ALMS1: variants seen among roughly 807,000 people sequenced by gnomAD.
ALMS1 encodes ALMS1 centrosome and basal body associated protein.
In ALMS1, 271 loss-of-function variants were observed where a neutral mutation model predicts 352.2. The observed-to-expected ratio is 0.77, with a 90% CI of 0.70 to 0.85. The LOEUF (loss-of-function observed/expected upper bound fraction) is 0.85, where lower values mean the gene tolerates loss of function less well. Among genes scored for constraint, ALMS1 ranks in the 40% least tolerant of loss-of-function variants. The pLI is 0.00. For missense variants in ALMS1, 5,445 were observed against 4,870.7 expected (o/e 1.12, Z -3.51); for synonymous variants, 1,865 against 1,761.2 (o/e 1.06, Z -1.48).
intron 12 of ALMS1, among the ~76,000 whole-genome samples, chr2:73,545,776 G>C (rs1295524210): frequency 6.6e-6 from 1 of 152,182 alleles, no homozygotes; most frequent in East Asian, 1.9e-4. Flanking sequence ...CTTAACAAAA[G>C]AGGAGAGAAA....
intron 10 of ALMS1, among the ~76,000 whole-genome samples, chr2:73,497,184 T>G (rs193134142): frequency 6.6e-6 from 1 of 152,320 alleles, no homozygotes; most frequent in Admixed American, 6.5e-5. Flanking sequence ...TTCATAGTCA[T>G]TTGAGTCATT....
chr2:73,506,570 G>A (rs908415729), intron 10 of ALMS1, among the ~76,000 whole-genome samples: 6 of 152,008 alleles, frequency 3.9e-5, no homozygotes, highest in African/African-American at 9.7e-5. Context: ...GAGTTTGCTC[G>A]TGATTTGGCT....
chr2:73,405,546 T>G (rs943374506), intron 1 of ALMS1, among the ~76,000 whole-genome samples: 3 of 152,062 alleles, frequency 2.0e-5, no homozygotes, highest in Non-Finnish European at 4.4e-5. Flanking sequence ...TTTCTTGATT[T>G]TTTTCCTACT....
At chr2:73,607,932 G>A (rs1675850304) in intron 21 of ALMS1, among the ~76,000 whole-genome samples, 1 of 151,794 alleles carries the variant, frequency 6.6e-6, no homozygotes, top group South Asian at 2.1e-4. Flanking sequence ...AAAGTGCTGG[G>A]TTTACAGGCT....
In ALMS1 at chr2:73,450,712, G is replaced by A. The variant is rs758814503; in HGVS notation, c.4185G>A (p.Ser1395=). ...TEKPSIFYQQ[S]LPGSHLTEEA... Reference sequence around the variant, plus strand: ...AGCCGAGTATTTTCTACCAACAGTCGTTGCCAGGTAGTCATCTAACTGAAG... The same window carrying A: ...AGCCGAGTATTTTCTACCAACAGTCATTGCCAGGTAGTCATCTAACTGAAG... Residue 1395 remains serine (S), a synonymous_variant, in exon 8 of 23, where the codon TCG becomes TCA. Transcript: ENST00000613296. The A allele has an allele frequency of 2.4e-5, 39 of 1,611,772 alleles. No homozygotes were observed. Among genetic ancestry groups the A allele is most frequent in the South Asian group, 2.4e-4 (22 of 90,990 alleles).
In ALMS1 at chr2:73,424,595, C is replaced by T. The variant is rs768740142; in HGVS notation, c.930C>T (p.Cys310=). 6 of 1,613,902 alleles carry T rather than the reference C, an allele frequency of 3.7e-6. No individual in the cohort carries two copies. The highest frequency in any genetic ancestry group is 4.2e-6 in the Non-Finnish European group (5 of 1,179,984). ...LIGSTAVGSQ[C]PFLPSEQGNN... ...GCAGCACAGCTGTTGGGTCTCAGTGCCCTTTTTTACCTTCTGAACAAGGGA... is the reference window on the plus strand; with the variant it reads ...GCAGCACAGCTGTTGGGTCTCAGTGTCCTTTTTTACCTTCTGAACAAGGGA... Residue 310 remains cysteine (C), a synonymous_variant, in exon 5 of 23, where the codon TGC becomes TGT. Coordinates refer to ENST00000613296, the MANE Select transcript of ALMS1 (RefSeq NM_001378454.1).
intron 9 of ALMS1, among the ~76,000 whole-genome samples, chr2:73,474,116 C>G (rs1484096956): frequency 6.6e-6 from 1 of 151,876 alleles, no homozygotes; most frequent in Non-Finnish European, 1.5e-5. Flanking sequence ...AATATACTTT[C>G]CTTAATGAAG....
rs755283383 is a variant in ALMS1 at position 73,609,564 on chromosome 2, A to G, written c.12463-4A>G. 9 of 1,614,040 alleles carry G rather than the reference A, an allele frequency of 5.6e-6. No homozygotes were observed. Among genetic ancestry groups the G allele is most frequent in the South Asian group, 5.5e-5 (5 of 91,074 alleles). On this transcript the variant is annotated splice_region_variant and splice_polypyrimidine_tract_variant and intron_variant, in intron 22 of 22. Transcript: ENST00000613296. ...TTCTTTCCTGCCTTTCTTTTCTTCTACAGAGAGTGACCAATCAACTTCTGG... is the reference window on the plus strand; with the variant it reads ...TTCTTTCCTGCCTTTCTTTTCTTCTGCAGAGAGTGACCAATCAACTTCTGG...
Position 73,609,909 on chromosome 2 carries a change from T to A in ALMS1, c.*297T>A. ...TTATACTTTTAGAAAATAAAAACTT[T>A]AGATTAACTCATAGTAAACAATTCT... On this transcript the variant is annotated 3_prime_UTR_variant, in exon 23 of 23. Transcript: ENST00000613296. The A allele has an allele frequency of 2.6e-6, 1 of 384,832 alleles. No individual in the cohort carries two copies. Among genetic ancestry groups the A allele is most frequent in the Non-Finnish European group, 4.9e-6 (1 of 205,502 alleles). 23.8% of individuals were successfully genotyped at this position (384,832 alleles called of 1,614,324 possible). A position where few individuals can be genotyped will look rare whatever the true frequency, so the allele number is the denominator to read the frequency against.
intron 16 of ALMS1, among the ~76,000 whole-genome samples, chr2:73,594,928 G>C (rs1373363482): frequency 2.0e-5 from 3 of 152,186 alleles, no homozygotes; most frequent in Non-Finnish European, 2.9e-5. Context: ...AGCTAAGCTT[G>C]TTGTGCTTCA....
At chr2:73,564,500 T>C (rs1422015552) in intron 15 of ALMS1, among the ~76,000 whole-genome samples, 1 of 150,696 alleles carries the variant, frequency 6.6e-6, no homozygotes, top group Non-Finnish European at 1.5e-5. Context: ...AAACATGTAA[T>C]TCAATGATTT....
chr2:73,442,665 T>C (rs1572927464), intron 7 of ALMS1, among the ~76,000 whole-genome samples: 1 of 152,206 alleles, frequency 6.6e-6, no homozygotes, highest in Non-Finnish European at 1.5e-5. Flanking sequence ...ACTGGCTGCC[T>C]CAGCTTGTTT....
At chr2:73,535,348 A>T (rs898834231) in intron 12 of ALMS1, among the ~76,000 whole-genome samples, 19 of 152,226 alleles carry the variant, frequency 1.2e-4, no homozygotes, top group Admixed American at 4.6e-4. Flanking sequence ...CAACTAATTT[A>T]ACAAATTTGT....
Position 73,474,371 on chromosome 2 carries a change from C to G in ALMS1, c.7675-15263C>G, listed in dbSNP as rs558127128. ...TTTTACTTTTTAGTGCTTGTTGACTCTGTGTGTGTGTGTGTGTGTGTGTGT... is the reference window on the plus strand; with the variant it reads ...TTTTACTTTTTAGTGCTTGTTGACTGTGTGTGTGTGTGTGTGTGTGTGTGT... On this transcript the variant is annotated intron_variant, in intron 9 of 22. Transcript: ENST00000613296. Among the ~76,000 whole-genome samples the G allele has an allele frequency of 9.2e-3, 879 of 95,568 alleles. 4 individuals are homozygous for G. Among genetic ancestry groups the G allele is most frequent in the Admixed American group, 0.023 (197 of 8,516 alleles). The allele number at this position is 95,568 out of a possible 152,430, so 62.7% of individuals were successfully genotyped here.
intron 10 of ALMS1, among the ~76,000 whole-genome samples, chr2:73,518,419 A>G (rs986292548): frequency 2.6e-5 from 4 of 152,156 alleles, no homozygotes; most frequent in South Asian, 2.1e-4. Context: ...TAGTACTATA[A>G]TGAACATTTG....
At chr2:73,498,954 A>G (rs890586012) in intron 10 of ALMS1, among the ~76,000 whole-genome samples, 3 of 152,182 alleles carry the variant, frequency 2.0e-5, no homozygotes, top group African/African-American at 7.2e-5. Context: ...TTTTGGGTAT[A>G]TACTCAGCAG....
intron 9 of ALMS1, among the ~76,000 whole-genome samples, chr2:73,460,737 C>T (rs1033164449): frequency 1.3e-5 from 2 of 152,214 alleles, no homozygotes; most frequent in Non-Finnish European, 2.9e-5. Context: ...ATCACTCCCA[C>T]ACTAATACTG....
At chr2:73,541,985 A>G (rs547743606) in intron 12 of ALMS1, among the ~76,000 whole-genome samples, 97 of 152,354 alleles carry the variant, frequency 6.4e-4, no homozygotes, top group Middle Eastern at 3.4e-3. Flanking sequence ...TCCAATCAAT[A>G]GAAAAAGAGG....
chr2:73,573,584 T>C, intron 16 of ALMS1, 160 bp downstream of exon 16: 1 of 753,142 alleles, frequency 1.3e-6, no homozygotes, highest in Admixed American at 2.1e-5. Flanking sequence ...TACAGTGCTA[T>C]TGTGAGTTGT....
Sources: allele counts gnomAD v4.1 joint callset (sites outside exome capture counted in the v4.1 genomes callset), GRCh38; gene constraint gnomAD v4.1.1; transcripts MANE v1.5; gene names NCBI Gene and HGNC (gene_info 2026-07-23, HGNC 2026-07-21).